TBC1D30: variants seen among roughly 807,000 people sequenced by gnomAD.
TBC1D30 encodes the protein TBC1 domain family, member 30.
Under a neutral mutation model 63.2 loss-of-function variants are expected in TBC1D30, and 31 were observed. That is an observed-to-expected ratio of 0.49 (90% CI 0.37 to 0.66). TBC1D30 has a LOEUF of 0.66. Ranked by LOEUF, TBC1D30 falls within the 30% of genes least tolerant of loss-of-function variation. The pLI is 0.00. For synonymous variants in TBC1D30, 307 were observed against 361.5 expected, an observed-to-expected ratio of 0.85 and a Z score of 1.71; for missense variants, 810 against 953.6, an observed-to-expected ratio of 0.85 and a Z score of 1.98.
At chr12:64,845,689 G>C (rs1399671636) in intron 8 of TBC1D30, among the ~76,000 whole-genome samples, 1 of 144,962 alleles carries the variant, frequency 6.9e-6, no homozygotes, top group Non-Finnish European at 1.5e-5. Flanking sequence ...TCGTGCCACT[G>C]TACTCCAGCC....
Position 64,834,562 on chromosome 12 carries a change from A to G in TBC1D30, c.595-1928A>G, listed in dbSNP as rs145754320. 8.6e-3 allele frequency among the ~76,000 whole-genome samples: 1,310 copies of G among 151,618 alleles called. 19 individuals carry two copies. The highest frequency in any genetic ancestry group is 0.03 in the African/African-American group (1,240 of 41,346). Reference sequence around the variant, plus strand: ...GCTGGGATTACAGGTATACACCACCACGCCCAGCAAATTTTTATATTTTTA... The same window carrying G: ...GCTGGGATTACAGGTATACACCACCGCGCCCAGCAAATTTTTATATTTTTA... On this transcript the variant is annotated intron_variant, in intron 5 of 11. Coordinates refer to ENST00000539867, the MANE Select transcript of TBC1D30 (RefSeq NM_015279.2).
At chr12:64,806,815 T>A (rs1210520458) in intron 2 of TBC1D30, among the ~76,000 whole-genome samples, 2 of 152,216 alleles carry the variant, frequency 1.3e-5, no homozygotes, top group African/African-American at 4.8e-5. Flanking sequence ...CAAAATGTGT[T>A]ACAGCATCTA....
At chr12:64,809,847 T>C (rs1250326743) in intron 2 of TBC1D30, among the ~76,000 whole-genome samples, 2 of 152,234 alleles carry the variant, frequency 1.3e-5, no homozygotes, top group Admixed American at 1.3e-4. Context: ...TTCCCCCAGA[T>C]GGTTTATTAT....
intron 11 of TBC1D30, among the ~76,000 whole-genome samples, chr12:64,874,377 G>A (rs1200902334): frequency 1.3e-5 from 2 of 152,166 alleles, no homozygotes; most frequent in Non-Finnish European, 1.5e-5. Flanking sequence ...CATGAACCAC[G>A]GCACCTAGCT....
At chr12:64,851,123 G>T (rs1005912253) in intron 8 of TBC1D30, among the ~76,000 whole-genome samples, 2 of 152,042 alleles carry the variant, frequency 1.3e-5, no homozygotes, top group Non-Finnish European at 2.9e-5. Context: ...GATATTTCCT[G>T]TATCATTTTT....
intron 5 of TBC1D30, 25 bp from the exon 6 acceptor site, chr12:64,836,465 T>C: frequency 6.6e-7 from 1 of 1,526,584 alleles, no homozygotes; most frequent in African/African-American, 1.4e-5. Flanking sequence ...CAAAGCAGTC[T>C]TAAGCTTTAT....
chr12:64,777,792 C>G (rs1020811029), upstream of TBC1D30, among the ~76,000 whole-genome samples: 2 of 152,200 alleles, frequency 1.3e-5, no homozygotes, highest in Non-Finnish European at 2.9e-5. Flanking sequence ...AGGAGTCTTG[C>G]TCTGTTGCCC....
chr12:64,786,079 C>T (rs1216578915), intron 2 of TBC1D30: 1 of 1,267,144 alleles, frequency 7.9e-7, no homozygotes, highest in Admixed American at 2.3e-5. Context: ...TCTTTTGCCA[C>T]ATGCAACTAG....
chr12:64,785,446 C>T (rs1249058839), intron 1 of TBC1D30, among the ~76,000 whole-genome samples: 3 of 83,866 alleles, frequency 3.6e-5, no homozygotes, highest in Non-Finnish European at 6.9e-5. Context: ...CCACGCCTGG[C>T]CTTTAAAGAC....
chr12:64,823,233 A>AATATT (rs1159068020), upstream of TBC1D30, among the ~76,000 whole-genome samples: 23 of 152,198 alleles, frequency 1.5e-4, no homozygotes, highest in Non-Finnish European at 2.4e-4. Flanking sequence ...AAGAAATATG[A>AATATT]ATATTATTAA....
chr12:64,785,953 G>A (rs1411355427), exon 2 of TBC1D30: 17 of 1,289,792 alleles, frequency 1.3e-5, no homozygotes, highest in Admixed American at 4.6e-5. Flanking sequence ...AAGTTACTTC[G>A]GCATCTGAAG....
chr12:64,878,263 C>G lies in TBC1D30; in HGVS notation c.*2475C>G. On this transcript the variant is annotated 3_prime_UTR_variant, in exon 12 of 12. Transcript: ENST00000539867. The stretch of plus-strand genomic sequence containing the variant: ...GAATTGGTCAATTTATGAGCCTTGC[C>G]TACTTTAGAAAATAAAGAAACCTGC... The G allele has an allele frequency of 3.0e-6, 1 of 330,300 alleles. No homozygotes were observed. The highest frequency in any genetic ancestry group is 3.9e-5 in the Admixed American group (1 of 25,804). 20.5% of individuals were successfully genotyped at this position (330,300 alleles called of 1,614,324 possible). A position where few individuals can be genotyped will look rare whatever the true frequency, so the allele number is the denominator to read the frequency against.
rs376680714 is a variant in TBC1D30, at chr12:64,763,454, C to T, written c.-376+3805C>T. On this transcript the variant is annotated intron_variant, in intron 1 of 13. Transcript: ENST00000674237. Reference sequence around the variant, plus strand: ...GTGTACAACATGATGTTTTCATATACGTATAGAGTGTGAAATGATTATTCT... The same window carrying T: ...GTGTACAACATGATGTTTTCATATATGTATAGAGTGTGAAATGATTATTCT... Among the ~76,000 whole-genome samples the T allele has an allele frequency of 6.6e-5, 10 of 152,154 alleles. No homozygotes were observed. The East Asian group carries it at 9.6e-4, about 15-fold the overall frequency.
chr12:64,775,076 G>C (rs1388235845), intron 1 of TBC1D30, among the ~76,000 whole-genome samples: 1 of 149,432 alleles, frequency 6.7e-6, no homozygotes, highest in Non-Finnish European at 1.5e-5. Context: ...CTGGGTGACA[G>C]AGTGAGACTG....
At chr12:64,840,019 A>AAAAAAAAAAAAAAAAAAAAAAAAAAC (rs1875725833) in intron 7 of TBC1D30, among the ~76,000 whole-genome samples, 1 of 151,522 alleles carries the variant, frequency 6.6e-6, no homozygotes, top group African/African-American at 2.4e-5. Context: ...AAAAAAAAAA[A>AAAAAAAAAAAAAAAAAAAAAAAAAAC]AAAAAAAAAT....
At chr12:64,772,291 C>T (rs1870934700) in intron 1 of TBC1D30, among the ~76,000 whole-genome samples, 1 of 148,554 alleles carries the variant, frequency 6.7e-6, no homozygotes, top group Middle Eastern at 3.3e-3. Context: ...ATCTTTGTAT[C>T]ACATGCTTAT....
rs115052230 is a variant in TBC1D30, at chr12:64,798,065, A to G, written c.643+12020A>G. Among the ~76,000 whole-genome samples, 326 of 152,276 alleles carry G rather than the reference A, an allele frequency of 2.1e-3. 2 individuals carry two copies. Among genetic ancestry groups the G allele is most frequent in the African/African-American group, 7.1e-3 (296 of 41,542 alleles). The stretch of plus-strand genomic sequence containing the variant: ...AGTATTGGCCCTACTTACCTCTTAG[A>G]ACTATGTTTTGAAGACAGAATTGAA... On this transcript the variant is annotated intron_variant, in intron 2 of 12. Transcript: ENST00000542120.
chr12:64,792,839 G>T (rs1412233204), intron 2 of TBC1D30, among the ~76,000 whole-genome samples: 1 of 152,170 alleles, frequency 6.6e-6, no homozygotes, highest in African/African-American at 2.4e-5. Context: ...CTCCCAAAGT[G>T]CTGGGATTAC....
intron 1 of TBC1D30, among the ~76,000 whole-genome samples, chr12:64,764,733 G>A (rs1870642276): frequency 6.6e-6 from 1 of 152,176 alleles, no homozygotes; most frequent in African/African-American, 2.4e-5. Context: ...AAGTTTGCAG[G>A]GAAGAATTCC....
Sources: allele counts gnomAD v4.1 joint callset (sites outside exome capture counted in the v4.1 genomes callset), GRCh38; gene constraint gnomAD v4.1.1; transcripts MANE v1.5; gene names NCBI Gene and HGNC (gene_info 2026-07-23, HGNC 2026-07-21).